PHACTR1: variants seen among roughly 807,000 people sequenced by gnomAD.
PHACTR1 encodes phosphatase and actin regulator 1.
PHACTR1 carries 16 observed loss-of-function variants against 69.2 expected under a neutral mutation model. That is an observed-to-expected ratio of 0.23 (90% CI 0.16 to 0.35). The LOEUF is 0.35. Among genes scored for constraint, PHACTR1 ranks in the 10% least tolerant of loss-of-function variants. The pLI, the probability that PHACTR1 is intolerant of heterozygous loss-of-function variation, is 1.00. For synonymous variants in PHACTR1, 312 were observed against 284.5 expected, an observed-to-expected ratio of 1.10 and a Z score of -0.97; for missense variants, 510 against 734.7, an observed-to-expected ratio of 0.69 and a Z score of 3.54.
intron 5 of PHACTR1, among the ~76,000 whole-genome samples, chr6:13,149,530 A>G (rs2113433370): frequency 6.6e-6 from 1 of 152,316 alleles, no homozygotes; most frequent in Non-Finnish European, 1.5e-5. Flanking sequence ...GCCATGAAGA[A>G]TTTATCCAGG....
chr6:12,721,479 A>G (rs1029018834), intron 3 of PHACTR1, among the ~76,000 whole-genome samples: 3 of 152,240 alleles, frequency 2.0e-5, no homozygotes, highest in African/African-American at 7.2e-5. Flanking sequence ...AACAACCACA[A>G]AAAATAGAAA....
chr6:12,752,971 A>G (rs1487066773), intron 4 of PHACTR1, among the ~76,000 whole-genome samples: 1 of 152,262 alleles, frequency 6.6e-6, no homozygotes, highest in Non-Finnish European at 1.5e-5. Context: ...AGCATTTAGT[A>G]GACACAAACA....
intron 4 of PHACTR1, among the ~76,000 whole-genome samples, chr6:12,956,135 A>T (rs1367043675): frequency 2.0e-5 from 3 of 152,194 alleles, no homozygotes; most frequent in Non-Finnish European, 4.4e-5. Flanking sequence ...AACCCATACA[A>T]GGCTGACCAA....
chr6:12,781,161 G>A (rs1436452628), intron 4 of PHACTR1, among the ~76,000 whole-genome samples: 1 of 152,156 alleles, frequency 6.6e-6, no homozygotes, highest in Admixed American at 6.5e-5. Context: ...TTCTTTAAGT[G>A]GTTTTGAGTC....
At chr6:12,811,040 T>C (rs372286800) in intron 4 of PHACTR1, among the ~76,000 whole-genome samples, 4 of 150,914 alleles carry the variant, frequency 2.7e-5, no homozygotes, top group African/African-American at 7.3e-5. Flanking sequence ...GTGGGTGCTC[T>C]GAGGACTTCT....
intron 8 of PHACTR1, 137 bp downstream of exon 8, chr6:13,206,273 G>A: frequency 1.3e-5 from 12 of 938,020 alleles, no homozygotes; most frequent in South Asian, 4.5e-5. Flanking sequence ...AGTAAAATGA[G>A]ACAAAAAACT....
chr6:13,154,416 C>G (rs1036546266), intron 5 of PHACTR1, among the ~76,000 whole-genome samples: 1 of 152,130 alleles, frequency 6.6e-6, no homozygotes, highest in African/African-American at 2.4e-5. Context: ...CCTCAACCTC[C>G]CAAAGTGCTG....
intron 5 of PHACTR1, among the ~76,000 whole-genome samples, chr6:13,138,340 G>A (rs769035537): frequency 1.2e-4 from 19 of 152,228 alleles, no homozygotes; most frequent in Non-Finnish European, 2.6e-4. Flanking sequence ...AAGGCCCAGA[G>A]AAAGGATTTA....
intron 7 of PHACTR1, chr6:13,185,032 G>A (rs1762661868): frequency 7.5e-7 from 1 of 1,332,896 alleles, no homozygotes; most frequent in Non-Finnish European, 1.0e-6. Context: ...TCTGGGGCAA[G>A]CAGTCCCTCC....
intron 4 of PHACTR1, among the ~76,000 whole-genome samples, chr6:13,014,052 A>G (rs959089439): frequency 7.9e-5 from 12 of 151,980 alleles, no homozygotes; most frequent in Non-Finnish European, 1.6e-4. Flanking sequence ...CAACAACAAC[A>G]ACGTGTCCTT....
chr6:13,283,429 A>T lies in PHACTR1; in HGVS notation c.1517A>T (p.Gln506Leu). The T allele has an allele frequency of 6.2e-7, 1 of 1,613,604 alleles. No homozygotes were observed. The highest frequency in any genetic ancestry group is 1.1e-5 in the South Asian group (1 of 91,068). ...CTCTCTCCCTCCCTGCAGCTCAGTC[A>T]AAGGCCCACGGTGGAAGAGCTTCGG... ...IKRRLTRKLS[Q>L]RPTVEELRER... The change falls in exon 13 of 15, where the codon CAA becomes CTA. Residue 506 changes from glutamine (Q) to leucine (L), a missense_variant. Physicochemically the swap from Gln to Leu is moderately radical, Grantham distance 113. Around this residue, in one of 2 missense-constraint regions of PHACTR1, gnomAD observed 91 missense variants for 203.8 expected, o/e 0.45. Transcript: ENST00000332995. The surrounding 1 kb of genome is among the most constrained non-coding windows in gnomAD (Gnocchi z 4.7).
At chr6:12,918,464 T>G (rs936890857) in intron 4 of PHACTR1, among the ~76,000 whole-genome samples, 1 of 152,244 alleles carries the variant, frequency 6.6e-6, no homozygotes, top group Non-Finnish European at 1.5e-5. Context: ...TGAGCACACA[T>G]TGGCAGCGCA....
intron 4 of PHACTR1, among the ~76,000 whole-genome samples, chr6:12,931,755 G>A (rs924393947): frequency 6.6e-6 from 1 of 151,502 alleles, no homozygotes; most frequent in Non-Finnish European, 1.5e-5. Context: ...TATTCTTTCT[G>A]TTAGTGCAGG....
chr6:13,131,975 A>G (rs749375357), intron 5 of PHACTR1, among the ~76,000 whole-genome samples: 1 of 152,182 alleles, frequency 6.6e-6, no homozygotes, highest in Admixed American at 6.5e-5. Flanking sequence ...TTTTTCCAGC[A>G]TCCTTTCCAA....
At chr6:12,782,264 T>G (rs1770936163) in intron 4 of PHACTR1, among the ~76,000 whole-genome samples, 1 of 152,262 alleles carries the variant, frequency 6.6e-6, no homozygotes, top group South Asian at 2.1e-4. Context: ...TCTGAGGGTT[T>G]AAAACATGAC....
intron 10 of PHACTR1, chr6:13,230,464 T>A: frequency 1.8e-6 from 1 of 557,318 alleles, no homozygotes; most frequent in Non-Finnish European, 2.8e-6. Context: ...GAGGATTGCT[T>A]GAATCTGGGA....
intron 4 of PHACTR1, among the ~76,000 whole-genome samples, chr6:12,823,585 A>G (rs1420557720): frequency 2.0e-5 from 3 of 152,214 alleles, no homozygotes; most frequent in Admixed American, 2.0e-4. Context: ...GGAGATCCAT[A>G]TGGAATGTGA....
chr6:12,884,426 AGTCTCACTCT>A (rs1404690727), intron 4 of PHACTR1, among the ~76,000 whole-genome samples: 2 of 149,122 alleles, frequency 1.3e-5, no homozygotes, highest in Non-Finnish European at 3.0e-5. Context: ...TTTTAGACGG[AGTCTCACTCT>A]GTTGCCCAGG....
At chr6:12,750,063 G>C (rs1766400019) in intron 4 of PHACTR1, among the ~76,000 whole-genome samples, 1 of 152,164 alleles carries the variant, frequency 6.6e-6, no homozygotes, top group Non-Finnish European at 1.5e-5. Context: ...CAGTGATCCC[G>C]GGAATAACCC....
Sources: gnomAD v4.1 joint callset for allele counts (sites outside exome capture counted in the v4.1 genomes callset) on GRCh38, gnomAD v4.1.1 for gene constraint, gnomAD v4.1.1 regional missense constraint, Gnocchi (gnomAD v3.1) non-coding constraint, MANE v1.5 for transcripts, NCBI Gene and HGNC (gene_info 2026-07-23, HGNC 2026-07-21) for gene names.